PSMB7: variants seen among roughly 807,000 people sequenced by gnomAD.
PSMB7 encodes the protein proteasome 20S subunit beta 7.
Under a neutral mutation model 28.1 loss-of-function variants are expected in PSMB7, and 5 were observed. That is an observed-to-expected ratio of 0.18 (90% CI 0.09 to 0.37). The LOEUF is 0.37. Ranked by LOEUF, PSMB7 falls within the 10% of genes least tolerant of loss-of-function variation. PSMB7 has a pLI of 1.00. For synonymous variants in PSMB7, 122 were observed against 123.7 expected, an observed-to-expected ratio of 0.99 and a Z score of 0.09; for missense variants, 275 against 346.2, an observed-to-expected ratio of 0.79 and a Z score of 1.63.
intron 5 of PSMB7, among the ~76,000 whole-genome samples, chr9:124,392,926 C>G (rs527558320): frequency 6.6e-6 from 1 of 152,314 alleles, no homozygotes; most frequent in South Asian, 2.1e-4. Context: ...GAGTCACACA[C>G]AGGACTTTCT....
Position 124,393,789 on chromosome 9 carries a change from T to A in PSMB7, c.512-9133A>T, listed in dbSNP as rs117277679. On this transcript the variant is annotated intron_variant, in intron 5 of 7. Coordinates refer to ENST00000259457, the MANE Select transcript of PSMB7 (RefSeq NM_002799.4). ...TCAGGGCCTAAAATGTGAGAGGTTT[T>A]ATTTCATTAATGCATTTTAATGAAA... 4.1e-4 allele frequency among the ~76,000 whole-genome samples: 62 copies of A among 152,382 alleles called. No homozygotes were observed. The East Asian group carries it at 0.011, about 28-fold the overall frequency.
chr9:124,372,840 T>C (rs1486488486), intron 6 of PSMB7, among the ~76,000 whole-genome samples: 1 of 152,196 alleles, frequency 6.6e-6, no homozygotes, highest in Non-Finnish European at 1.5e-5. Context: ...TAACGAATCC[T>C]AGAGAATCAA....
intron 5 of PSMB7, among the ~76,000 whole-genome samples, chr9:124,397,787 T>C (rs1481427805): frequency 6.6e-6 from 1 of 152,240 alleles, no homozygotes; most frequent in Admixed American, 6.5e-5. Flanking sequence ...TAATGTTCCA[T>C]GGAGGCATTT....
intron 5 of PSMB7, 35 bp downstream of exon 5, chr9:124,405,282 A>G: frequency 7.0e-7 from 1 of 1,420,712 alleles, no homozygotes; most frequent in South Asian, 1.2e-5. Context: ...GGTAAGTAAG[A>G]GTACTCTTAA....
intron 6 of PSMB7, among the ~76,000 whole-genome samples, chr9:124,370,219 G>GA (rs1830547009): frequency 7.5e-6 from 1 of 134,134 alleles, no homozygotes; most frequent in African/African-American, 2.8e-5. Flanking sequence ...TTGAGAAAGA[G>GA]CACCTTTTTT....
chr9:124,378,094 C>T (rs997758095), intron 6 of PSMB7, among the ~76,000 whole-genome samples: 1 of 152,226 alleles, frequency 6.6e-6, no homozygotes, highest in African/African-American at 2.4e-5. Context: ...CTGTAGGGCA[C>T]AGCAGCTGCC....
Position 124,356,480 on chromosome 9 carries a change from C to T in PSMB7, c.722+284G>A, listed in dbSNP as rs1487716998. 6.6e-6 allele frequency among the ~76,000 whole-genome samples: 1 copy of T among 152,206 alleles called. No individual in the cohort carries two copies. The highest frequency in any genetic ancestry group is 2.4e-5 in the African/African-American group (1 of 41,454). On this transcript the variant is annotated intron_variant, in intron 7 of 7. Transcript: ENST00000259457. The surrounding 1 kb of genome is among the most constrained non-coding windows in gnomAD (Gnocchi z 4.4). Reference sequence around the variant, plus strand: ...ATTCTTTAAGACACTTGAGAAAGGACAGCAGATGATCCAAACCTCTCCGGC... The same window carrying T: ...ATTCTTTAAGACACTTGAGAAAGGATAGCAGATGATCCAAACCTCTCCGGC...
chr9:124,353,730 GCA>G (rs780141804), intron 7 of PSMB7, 21 bp from the exon 8 acceptor site: 6 of 1,557,530 alleles, frequency 3.9e-6, no homozygotes, highest in East Asian at 2.2e-5. Context: ...AAAAACAAAA[GCA>G]CAGAGTTAGG....
intron 6 of PSMB7, among the ~76,000 whole-genome samples, chr9:124,357,954 A>G (rs547841599): frequency 6.6e-6 from 1 of 152,352 alleles, no homozygotes; most frequent in South Asian, 2.1e-4. Flanking sequence ...GAAGGCAGGC[A>G]GCAACGGCAG....
intron 7 of PSMB7, among the ~76,000 whole-genome samples, chr9:124,355,373 C>T (rs540015449): frequency 6.6e-6 from 1 of 152,356 alleles, no homozygotes; most frequent in Admixed American, 6.5e-5. Flanking sequence ...GCTGCACTCC[C>T]TGTGGATGAG....
chr9:124,376,268 G>T (rs72616652), intron 6 of PSMB7, among the ~76,000 whole-genome samples: 9,139 of 152,010 alleles, frequency 0.06, 898 homozygotes, highest in East Asian at 0.45. Flanking sequence ...TGTGCTGTCT[G>T]TACATCAGCT....
chr9:124,407,693 C>T (rs1480148970), intron 4 of PSMB7, among the ~76,000 whole-genome samples: 1 of 152,126 alleles, frequency 6.6e-6, no homozygotes, highest in Admixed American at 6.5e-5. Flanking sequence ...AATTCTACTA[C>T]CAGGACTCTA....
intron 6 of PSMB7, among the ~76,000 whole-genome samples, chr9:124,364,620 T>A (rs1423720986): frequency 6.6e-6 from 1 of 151,520 alleles, no homozygotes; most frequent in African/African-American, 2.4e-5. Flanking sequence ...CAGATACTAA[T>A]AAGATCCTCA....
rs1160946433 is a variant in PSMB7 at position 124,412,239 on chromosome 9, C to T, written c.395+113G>A. ...TTAATATAACAACTGATTTCCGGAA[C>T]AAAATGTGTATTTCTGAATGTGTTT... On this transcript the variant is annotated intron_variant, in intron 4 of 7. Transcript: ENST00000259457. The T allele has an allele frequency of 4.5e-6, 5 of 1,112,394 alleles. No homozygotes were observed. In the East Asian group the frequency reaches 1.2e-4, roughly 27 times the overall value. The allele number at this position is 1,112,394 out of a possible 1,614,324, so 68.9% of individuals were successfully genotyped here. A position where few individuals can be genotyped will look rare whatever the true frequency, so the allele number is the denominator to read the frequency against.
At chr9:124,358,134 A>G (rs1347512110) in intron 6 of PSMB7, among the ~76,000 whole-genome samples, 1 of 152,188 alleles carries the variant, frequency 6.6e-6, no homozygotes, top group African/African-American at 2.4e-5. Context: ...CACCCAAGCA[A>G]CACCCTTGGA....
intron 6 of PSMB7, among the ~76,000 whole-genome samples, chr9:124,380,051 G>A (rs1588573554): frequency 6.6e-6 from 1 of 152,340 alleles, no homozygotes; most frequent in South Asian, 2.1e-4. Flanking sequence ...CAGGACAGGT[G>A]TGTACAGTGC....
At chr9:124,361,095 C>T (rs1830462044) in intron 6 of PSMB7, among the ~76,000 whole-genome samples, 1 of 152,190 alleles carries the variant, frequency 6.6e-6, no homozygotes, top group African/African-American at 2.4e-5. Flanking sequence ...AAAAAGCATA[C>T]TCCCTAAAGT....
intron 6 of PSMB7, among the ~76,000 whole-genome samples, chr9:124,369,831 G>A (rs1305652230): frequency 6.6e-6 from 1 of 152,126 alleles, no homozygotes; most frequent in African/African-American, 2.4e-5. Context: ...TGCAATTTGA[G>A]GTGGCTTTAT....
intron 6 of PSMB7, among the ~76,000 whole-genome samples, chr9:124,368,489 G>A (rs563178468): frequency 1.2e-4 from 18 of 152,188 alleles, no homozygotes; most frequent in African/African-American, 4.1e-4. Flanking sequence ...CGAATCCCAC[G>A]GCAAAGAGCT....
Sources: allele counts gnomAD v4.1 joint callset (sites outside exome capture counted in the v4.1 genomes callset), GRCh38; gene constraint gnomAD v4.1.1; non-coding constraint Gnocchi (gnomAD v3.1); transcripts MANE v1.5; gene names NCBI Gene and HGNC (gene_info 2026-07-23, HGNC 2026-07-21).